Variants in LRRTM4 observed in about 807,000 individuals in gnomAD.
The protein encoded by LRRTM4 is leucine rich repeat transmembrane neuronal 4.
LRRTM4 carries 25 observed loss-of-function variants against 47.6 expected under a neutral mutation model. The observed-to-expected ratio is 0.53, with a 90% confidence interval of 0.38 to 0.73. The LOEUF (loss-of-function observed/expected upper bound fraction) is 0.73. Ranked by LOEUF, LRRTM4 falls within the 30% of genes least tolerant of loss-of-function variation. LRRTM4 has a pLI of 0.00. For synonymous variants in LRRTM4, 311 were observed against 269.5 expected (o/e 1.15, Z -1.51); for missense variants, 638 against 713.4 (o/e 0.89, Z 1.20).
At chr2:76,919,507 C>T (rs535873822) in intron 3 of LRRTM4, among the ~76,000 whole-genome samples, 1 of 152,184 alleles carries the variant, frequency 6.6e-6, no homozygotes, top group Admixed American at 6.5e-5. Context: ...CTGGTTAAAC[C>T]TCTCCTGCAA....
intron 3 of LRRTM4, among the ~76,000 whole-genome samples, chr2:77,264,554 T>C (rs1481992000): frequency 6.6e-6 from 1 of 151,942 alleles, no homozygotes; most frequent in Non-Finnish European, 1.5e-5. Flanking sequence ...AGTAAAGAAA[T>C]CCAAGACAAC....
chr2:77,113,904 A>T (rs1030659482), intron 3 of LRRTM4, among the ~76,000 whole-genome samples: 1 of 152,164 alleles, frequency 6.6e-6, no homozygotes, highest in African/African-American at 2.4e-5. Flanking sequence ...TATATGGCCC[A>T]GGGCTGTCCT....
chr2:77,207,935 A>G (rs1205725190), intron 3 of LRRTM4, among the ~76,000 whole-genome samples: 2 of 123,356 alleles, frequency 1.6e-5, no homozygotes, highest in Non-Finnish European at 3.2e-5. Context: ...CTGGAGTGCA[A>G]TGCTGTTATC....
chr2:77,480,824 A>T (rs1053853024), intron 3 of LRRTM4, among the ~76,000 whole-genome samples: 46,443 of 86,044 alleles, frequency 0.54, 9,978 homozygotes, highest in Admixed American at 0.56. Flanking sequence ...GTGTGTGTGG[A>T]GAGAGAGAGA....
chr2:77,500,903 CAAAT>C (rs1402095427), intron 3 of LRRTM4, among the ~76,000 whole-genome samples: 5 of 151,214 alleles, frequency 3.3e-5, no homozygotes, highest in African/African-American at 1.2e-4. Flanking sequence ...TTGAGTGAAA[CAAAT>C]AATTCCAGAA....
At chr2:77,239,551 AAATATG>A (rs1183431110) in intron 3 of LRRTM4, among the ~76,000 whole-genome samples, 1 of 151,900 alleles carries the variant, frequency 6.6e-6, no homozygotes. Context: ...AAGTTGTTTT[AAATATG>A]AAGTTATAGA....
chr2:76,773,782 G>A (rs912710932), intron 3 of LRRTM4, among the ~76,000 whole-genome samples: 5 of 149,600 alleles, frequency 3.3e-5, no homozygotes, highest in Non-Finnish European at 5.9e-5. Flanking sequence ...AAGAGAAATT[G>A]AACAATTCCT....
chr2:76,982,599 T>C (rs1676650147), intron 3 of LRRTM4, among the ~76,000 whole-genome samples: 1 of 152,038 alleles, frequency 6.6e-6, no homozygotes, highest in Admixed American at 6.6e-5. Flanking sequence ...GGTGGTAGAA[T>C]ATGACTTAGT....
intron 3 of LRRTM4, among the ~76,000 whole-genome samples, chr2:77,452,491 T>G (rs1676296724): frequency 1.3e-5 from 2 of 152,292 alleles, no homozygotes; most frequent in South Asian, 4.1e-4. Flanking sequence ...CAGAATGAGC[T>G]AAATTACAGC....
At chr2:77,245,471 T>G (rs893372980) in intron 3 of LRRTM4, among the ~76,000 whole-genome samples, 1 of 132,218 alleles carries the variant, frequency 7.6e-6, no homozygotes, top group Non-Finnish European at 1.5e-5. Context: ...TAAGCAGTGA[T>G]AACATCATGG....
At chr2:77,399,272 C>A (rs1205801509) in intron 3 of LRRTM4, among the ~76,000 whole-genome samples, 1 of 150,976 alleles carries the variant, frequency 6.6e-6, no homozygotes, top group Non-Finnish European at 1.5e-5. Flanking sequence ...AATATGTATA[C>A]ACTTTAGAAT....
intron 3 of LRRTM4, among the ~76,000 whole-genome samples, chr2:77,179,251 C>T (rs371822494): frequency 2.6e-5 from 4 of 152,066 alleles, no homozygotes; most frequent in Admixed American, 6.6e-5. Flanking sequence ...AGAATTAACA[C>T]GTCAGCAAGC....
chr2:77,083,450 C>T (rs1291497150), intron 3 of LRRTM4, among the ~76,000 whole-genome samples: 1 of 152,104 alleles, frequency 6.6e-6, no homozygotes, highest in Admixed American at 6.6e-5. Flanking sequence ...AAAAAATCTA[C>T]CACATATTTC....
At chr2:77,155,285 A>T (rs1672531717) in intron 3 of LRRTM4, among the ~76,000 whole-genome samples, 1 of 151,926 alleles carries the variant, frequency 6.6e-6, no homozygotes, top group African/African-American at 2.4e-5. Context: ...TTTCCTTACT[A>T]AATTATATAT....
intron 3 of LRRTM4, among the ~76,000 whole-genome samples, chr2:77,136,544 C>T (rs1379447285): frequency 6.6e-6 from 1 of 152,168 alleles, no homozygotes; most frequent in Admixed American, 6.5e-5. Context: ...ATCAGAAAAG[C>T]TGAAAATTCT....
chr2:76,795,727 T>C (rs1184597611), intron 3 of LRRTM4, among the ~76,000 whole-genome samples: 1 of 152,108 alleles, frequency 6.6e-6, no homozygotes, highest in African/African-American at 2.4e-5. Flanking sequence ...GTCGTTTCCT[T>C]TGGATACTCA....
intron 3 of LRRTM4, among the ~76,000 whole-genome samples, chr2:77,308,849 G>C (rs1287203868): frequency 6.6e-6 from 1 of 151,838 alleles, no homozygotes; most frequent in Non-Finnish European, 1.5e-5. Context: ...TTGGGGCATG[G>C]GGGTGGGGGT....
At chr2:76,858,028 T>A (rs1672204690) in intron 3 of LRRTM4, among the ~76,000 whole-genome samples, 1 of 152,086 alleles carries the variant, frequency 6.6e-6, no homozygotes, top group South Asian at 2.1e-4. Flanking sequence ...TATATAACAA[T>A]TGAAACAGTA....
At chr2:76,927,869 C>A (rs977243995) in intron 3 of LRRTM4, among the ~76,000 whole-genome samples, 3 of 152,086 alleles carry the variant, frequency 2.0e-5, no homozygotes, top group African/African-American at 7.2e-5. Context: ...AAAATGATGT[C>A]AAGGGTTAAA....
Sources: gnomAD v4.1 joint callset for allele counts (sites outside exome capture counted in the v4.1 genomes callset) on GRCh38, gnomAD v4.1.1 for gene constraint, MANE v1.5 for transcripts, NCBI Gene and HGNC (gene_info 2026-07-23, HGNC 2026-07-21) for gene names.